PACS2: variants seen among roughly 807,000 people sequenced by gnomAD.
PACS2 encodes the protein PACS1-like protein.
PACS2 carries 36 observed loss-of-function variants against 113.0 expected under a neutral mutation model. The ratio of observed to expected loss-of-function variants is 0.32; its 90% CI spans 0.24 to 0.42. PACS2 has a LOEUF of 0.42. Ranked by LOEUF, PACS2 falls within the 10% of genes least tolerant of loss-of-function variation. The probability of loss-of-function intolerance (pLI) is 1.00; values close to 1 mark genes in which losing one functional copy is unlikely to be tolerated. For synonymous variants in PACS2, 589 were observed against 536.1 expected (o/e 1.10, Z -1.36); for missense variants, 1,015 against 1,239.5 (o/e 0.82, Z 2.72).
intron 19 of PACS2, among the ~76,000 whole-genome samples, chr14:105,388,061 T>A (rs1273061641): frequency 6.6e-6 from 1 of 152,230 alleles, no homozygotes; most frequent in Non-Finnish European, 1.5e-5. Context: ...AGGATTTGCA[T>A]CGCTTTATGT....
intron 1 of PACS2, among the ~76,000 whole-genome samples, chr14:105,327,017 T>A (rs2059136694): frequency 6.6e-6 from 1 of 152,238 alleles, no homozygotes; most frequent in African/African-American, 2.4e-5. Flanking sequence ...CGACGCACTC[T>A]TGGCTCGCCT....
chr14:105,304,665 C>T (rs747910259), intron 1 of PACS2, among the ~76,000 whole-genome samples: 29 of 152,282 alleles, frequency 1.9e-4, no homozygotes, highest in Non-Finnish European at 3.4e-4. Context: ...TAAAGACATA[C>T]GTGAGACTGG....
In PACS2 at chr14:105,370,174, T is replaced by G. The variant is rs587645915; in HGVS notation, c.801+274T>G. 2.6e-3 allele frequency: 629 copies of G among 244,400 alleles called. 4 individuals are homozygous for G. Among genetic ancestry groups the G allele is most frequent in the African/African-American group, 0.013 (533 of 40,908 alleles). 15.1% of individuals were successfully genotyped at this position (244,400 alleles called of 1,614,324 possible). ...GGGGATGTAACCATTAGTTTGTGTG[T>G]TTTTTTTTTTATAAATAGACTTTAG... On this transcript the variant is annotated intron_variant, in intron 8 of 24. Coordinates refer to ENST00000447393, the MANE Select transcript of PACS2 (RefSeq NM_001100913.3).
rs2081348114 is a variant in PACS2, at chr14:105,391,332, A to T, written c.2119+83A>T. The T allele has an allele frequency of 1.0e-5, 11 of 1,079,618 alleles. No homozygotes were observed. The South Asian group carries it at 1.4e-4, about 14-fold the overall frequency. The allele number at this position is 1,079,618 out of a possible 1,614,324, so 66.9% of individuals were successfully genotyped here. ...CGGTCATTCGAGTCCTGCAGACCAG[A>T]TCAACCTTTCAGGGCCTGAGAGCCG... On this transcript the variant is annotated intron_variant, in intron 21 of 24. Transcript: ENST00000447393.
intron 2 of PACS2, among the ~76,000 whole-genome samples, chr14:105,350,075 T>C (rs1376549099): frequency 6.6e-6 from 1 of 151,350 alleles, no homozygotes; most frequent in Non-Finnish European, 1.5e-5. Flanking sequence ...GCGTGGCTGA[T>C]AGCAGGATGG....
chr14:105,377,012 C>A, intron 9 of PACS2, 87 bp downstream of exon 9: 3 of 1,392,586 alleles, frequency 2.2e-6, no homozygotes, highest in Non-Finnish European at 2.9e-6. Flanking sequence ...CCATGTCCAG[C>A]CCTGGAGACG....
intron 1 of PACS2, among the ~76,000 whole-genome samples, chr14:105,321,323 G>T (rs1318746229): frequency 6.9e-6 from 1 of 144,976 alleles, no homozygotes; most frequent in Non-Finnish European, 1.5e-5. Flanking sequence ...TCTGAGAATA[G>T]ATTGGTCCGG....
intron 1 of PACS2, among the ~76,000 whole-genome samples, chr14:105,332,198 T>G (rs1326031067): frequency 6.6e-6 from 1 of 152,240 alleles, no homozygotes; most frequent in Non-Finnish European, 1.5e-5. Flanking sequence ...GCTCAGTCAC[T>G]GTCCTGTGCC....
At chr14:105,363,926 A>G (rs781852276) in intron 4 of PACS2, among the ~76,000 whole-genome samples, 8 of 152,236 alleles carry the variant, frequency 5.3e-5, no homozygotes, top group Non-Finnish European at 1.2e-4. Context: ...GAGAGAGGCC[A>G]CAGGAGAGAC....
chr14:105,334,846 G>A (rs955787681), intron 1 of PACS2, among the ~76,000 whole-genome samples: 6 of 152,256 alleles, frequency 3.9e-5, no homozygotes, highest in African/African-American at 1.4e-4. Flanking sequence ...TCTTTTCCCA[G>A]AGCCCCTCTG....
At chr14:105,313,846 G>A (rs1024161484), upstream of PACS2, among the ~76,000 whole-genome samples, 3 of 152,336 alleles carry the variant, frequency 2.0e-5, no homozygotes, top group South Asian at 6.2e-4. Flanking sequence ...AAACAGATGG[G>A]GGAAGCACCC....
intron 1 of PACS2, among the ~76,000 whole-genome samples, chr14:105,333,095 TGAGA>T (rs113817359): frequency 7.9e-5 from 12 of 151,792 alleles, no homozygotes; most frequent in East Asian, 1.9e-4. Context: ...GGCGTGGGTG[TGAGA>T]GAGAGAGACG....
chr14:105,338,011 G>A (rs782167363), intron 1 of PACS2, among the ~76,000 whole-genome samples: 2 of 152,220 alleles, frequency 1.3e-5, no homozygotes, highest in Non-Finnish European at 2.9e-5. Flanking sequence ...AGAGCATACT[G>A]TTGGGCCATG....
rs1196708847 is a variant in PACS2 at position 105,374,442 on chromosome 14, A to G, written c.802-2326A>G. On this transcript the variant is annotated intron_variant, in intron 8 of 24. Transcript: ENST00000447393. ...AGGGGCTTGAATCCAGAACACATAAAGAATGCTTATAACTGAAAAATAAAG... is the reference window on the plus strand; with the variant it reads ...AGGGGCTTGAATCCAGAACACATAAGGAATGCTTATAACTGAAAAATAAAG... 3.3e-5 allele frequency among the ~76,000 whole-genome samples: 5 copies of G among 152,244 alleles called. No homozygotes were observed. The East Asian group carries it at 9.6e-4, about 29-fold the overall frequency.
Position 105,376,792 on chromosome 14 carries a change from G to A in PACS2, c.826G>A (p.Ala276Thr), listed in dbSNP as rs1274656440. Reference sequence around the variant, plus strand: ...GGTCCTGGACTCGGAGCAGGACCCTGCGGAGCACATCCCCGAGGCAGAGGA... The same window carrying A: ...GGTCCTGGACTCGGAGCAGGACCCTACGGAGCACATCCCCGAGGCAGAGGA... The part of the protein sequence containing the change: ...DEVLDSEQDP[A>T]EHIPEAEEDL... Residue 276 changes from alanine (A) to threonine (T), a missense_variant, in exon 9 of 25, where the codon GCG becomes ACG. This residue lies in a region of PACS2 where 859 missense variants were observed against 1,056.8 expected (regional missense o/e 0.81). Coordinates refer to ENST00000447393, the MANE Select transcript of PACS2 (RefSeq NM_001100913.3). The surrounding 1 kb of genome is among the most constrained non-coding windows in gnomAD (Gnocchi z 4.7). 2.5e-6 allele frequency: 4 copies of A among 1,612,978 alleles called. No homozygotes were observed. The African/African-American group carries it at 5.3e-5, about 22-fold the overall frequency.
intron 7 of PACS2, among the ~76,000 whole-genome samples, chr14:105,368,813 C>T (rs2061046036): frequency 6.6e-6 from 1 of 152,242 alleles, no homozygotes; most frequent in Admixed American, 6.5e-5. Context: ...AGGCTCACTC[C>T]ATGTGCAGAA....
Position 105,395,132 on chromosome 14 carries a change from G to A in PACS2, c.*460G>A, listed in dbSNP as rs587737303. On this transcript the variant is annotated 3_prime_UTR_variant, in exon 25 of 25. Transcript: ENST00000447393. ...TGAGCCTGGGGGGGCCGTCCTGCCC[G>A]CCTAAGAGATGCCCCCAGCACCGCA... 2.5e-3 allele frequency: 413 copies of A among 165,250 alleles called. No individual in the cohort carries two copies. Among genetic ancestry groups the A allele is most frequent in the African/African-American group, 8.3e-3 (349 of 41,940 alleles). The allele number at this position is 165,250 out of a possible 1,614,324, so 10.2% of individuals were successfully genotyped here.
chr14:105,314,952 G>A lies in PACS2; in HGVS notation c.34G>A (p.Ala12Thr). 8.5e-7 allele frequency: 1 copy of A among 1,179,876 alleles called. No homozygotes were observed. Among genetic ancestry groups the A allele is most frequent in the Non-Finnish European group, 1.1e-6 (1 of 935,300 alleles). 73.1% of individuals were successfully genotyped at this position (1,179,876 alleles called of 1,614,324 possible). A position where few individuals can be genotyped will look rare whatever the true frequency, so the allele number is the denominator to read the frequency against. ...AERGRLGLPG[A>T]PGALNTPVPM... is the part of the protein sequence containing the mutation. ...GCGAGGCCGCCTCGGCCTCCCCGGCGCGCCCGGCGCGCTCAACACGCCCGT... is the reference window on the plus strand; with the variant it reads ...GCGAGGCCGCCTCGGCCTCCCCGGCACGCCCGGCGCGCTCAACACGCCCGT... The change falls in exon 1 of 25, where the codon GCG (alanine) becomes ACG (threonine). Residue 12 changes from alanine (A) to threonine (T), a missense_variant. Ala to Thr is a moderately conservative substitution (Grantham distance 58). This residue lies in a region of PACS2 where 140 missense variants were observed against 135.1 expected (regional missense o/e 1.04). Coordinates refer to ENST00000447393, the MANE Select transcript of PACS2 (RefSeq NM_001100913.3).
rs1470855105 is a variant in PACS2, at chr14:105,358,702, C to T, written c.423+3525C>T. Among the ~76,000 whole-genome samples the T allele has an allele frequency of 3.3e-5, 5 of 152,196 alleles. No individual in the cohort carries two copies. Among genetic ancestry groups the T allele is most frequent in the African/African-American group, 1.2e-4 (5 of 41,452 alleles). The stretch of plus-strand genomic sequence containing the variant: ...AGCCATGCTTCTTTGCACAGCCGGA[C>T]TCCTCTTGTGGCCTCGCCACAAGCT... On this transcript the variant is annotated intron_variant, in intron 4 of 24. Coordinates refer to ENST00000447393, the MANE Select transcript of PACS2 (RefSeq NM_001100913.3). This position sits in a 1 kb window ranked among gnomAD's most constrained non-coding sequence, Gnocchi z 4.9.
Sources: gnomAD v4.1 joint callset for allele counts (sites outside exome capture counted in the v4.1 genomes callset) on GRCh38, gnomAD v4.1.1 for gene constraint, gnomAD v4.1.1 regional missense constraint, Gnocchi (gnomAD v3.1) non-coding constraint, MANE v1.5 for transcripts, NCBI Gene and HGNC (gene_info 2026-07-23, HGNC 2026-07-21) for gene names.